The following WNK1 variants were observed in gnomAD, a reference collection of about 807,000 sequenced individuals.
The protein encoded by WNK1 is WNK lysine deficient protein kinase 1, also known as serine/threonine-protein kinase WNK1.
Under a neutral mutation model 222.8 loss-of-function variants are expected in WNK1, and 38 were observed. The observed-to-expected ratio is 0.17, with a 90% CI of 0.13 to 0.22. WNK1 has a LOEUF of 0.22. Ranked by LOEUF, WNK1 falls within the 10% of genes least tolerant of loss-of-function variation. The pLI is 1.00. For synonymous variants in WNK1, 1,090 were observed against 1,092.9 expected (o/e 1.00, Z 0.05); for missense variants, 2,348 against 2,918.4 (o/e 0.80, Z 4.50).
At chr12:840,556 A>G (rs1949549776) in intron 4 of WNK1, among the ~76,000 whole-genome samples, 1 of 152,206 alleles carries the variant, frequency 6.6e-6, no homozygotes, top group Non-Finnish European at 1.5e-5. Flanking sequence ...AGCCACACTC[A>G]CTTGCTTCCA....
intron 1 of WNK1, among the ~76,000 whole-genome samples, chr12:754,920 A>G (rs1434691133): frequency 6.6e-6 from 1 of 152,254 alleles, no homozygotes; most frequent in Non-Finnish European, 1.5e-5. Context: ...GACGTTCATT[A>G]AACTAATGTC....
chr12:885,875 G>C lies in WNK1; in HGVS notation c.5071G>C (p.Gly1691Arg). ...SLVIESTVTP[G>R]IPTTAVAPSK... ...AGTCATAGAGAGCACTGTCACACCA[G>C]GCATCCCAACTACTGCTGTTGCACC... Residue 1691 changes from glycine (G) to arginine (R), a missense_variant, in exon 19 of 28, where the codon GGC becomes CGC. Physicochemically the swap from Gly to Arg is moderately radical, Grantham distance 125. Around this residue, in one of 13 missense-constraint regions of WNK1, gnomAD observed 1,144 missense variants for 1,273.6 expected, o/e 0.90. Coordinates refer to ENST00000315939, the MANE Select transcript of WNK1 (RefSeq NM_018979.4). 6.2e-7 allele frequency: 1 copy of C among 1,613,242 alleles called. No homozygotes were observed. Among genetic ancestry groups the C allele is most frequent in the Non-Finnish European group, 8.5e-7 (1 of 1,179,348 alleles).
intron 1 of WNK1, among the ~76,000 whole-genome samples, chr12:754,629 A>G (rs1017188620): frequency 6.6e-6 from 1 of 152,184 alleles, no homozygotes. Flanking sequence ...TGAGTGGGGA[A>G]GTTGAAAGTA....
chr12:755,640 C>T (rs1286970801), intron 1 of WNK1, among the ~76,000 whole-genome samples: 1 of 151,468 alleles, frequency 6.6e-6, no homozygotes, highest in East Asian at 1.9e-4. Context: ...AAAAAAAAAC[C>T]TCGTCAAACG....
intron 2 of WNK1, among the ~76,000 whole-genome samples, chr12:817,713 TGGATCACCTGAGGTCA>T (rs926602325): frequency 2.6e-5 from 4 of 152,142 alleles, no homozygotes; most frequent in African/African-American, 7.2e-5. Flanking sequence ...CTGAGGCGGA[TGGATCACCTGAGGTCA>T]GGATCACCTG....
chr12:804,017 A>G (rs1286250322), intron 1 of WNK1, among the ~76,000 whole-genome samples: 1 of 152,224 alleles, frequency 6.6e-6, no homozygotes, highest in African/African-American at 2.4e-5. Context: ...CTTTGCAAAT[A>G]AGAAAATGTA....
At chr12:791,410 G>A (rs1944824860) in intron 1 of WNK1, among the ~76,000 whole-genome samples, 2 of 151,922 alleles carry the variant, frequency 1.3e-5, no homozygotes, top group Non-Finnish European at 2.9e-5. Flanking sequence ...CGTAAAGTGC[G>A]GTTATAAATT....
In WNK1 at chr12:764,840, A is replaced by G. The variant is rs1410686729; in HGVS notation, c.759+10516A>G. 2.0e-5 allele frequency among the ~76,000 whole-genome samples: 3 copies of G among 147,344 alleles called. 1 individual carries two copies. Among genetic ancestry groups the G allele is most frequent in the Non-Finnish European group, 4.5e-5 (3 of 65,938 alleles). ...TTCTGCACTGTTCACTATCTAATAC[A>G]ATATCCACCAGCCTCACGTGGCTAT... On this transcript the variant is annotated intron_variant, in intron 1 of 27. Transcript: ENST00000315939.
intron 2 of WNK1, among the ~76,000 whole-genome samples, chr12:814,672 G>A (rs979233665): frequency 1.3e-5 from 2 of 152,124 alleles, no homozygotes; most frequent in Non-Finnish European, 2.9e-5. Context: ...GTTTCTTAGA[G>A]CAGCAGTCCC....
intron 1 of WNK1, among the ~76,000 whole-genome samples, chr12:795,377 A>G (rs905256377): frequency 2.6e-5 from 4 of 151,074 alleles, no homozygotes; most frequent in African/African-American, 9.8e-5. Flanking sequence ...TTTGAAATGT[A>G]ATAATCTTCA....
At chr12:903,140 G>C (rs1275902903) in intron 26 of WNK1, among the ~76,000 whole-genome samples, 1 of 152,162 alleles carries the variant, frequency 6.6e-6, no homozygotes, top group Non-Finnish European at 1.5e-5. Flanking sequence ...ATTTTTACCT[G>C]CATTAGAAAT....
At position 847,801 on chromosome 12, in the gene WNK1, C is replaced by CTTTTTTTTT. The variant is rs898832948; in HGVS notation, c.1312-9344_1312-9336dup. On this transcript the variant is annotated intron_variant, in intron 4 of 27. Coordinates refer to ENST00000315939, the MANE Select transcript of WNK1 (RefSeq NM_018979.4). ...CTAGTTGAATTAATGGATTAATTCT[C>CTTTTTTTTT]TTTTTTTTTTTTTTTTTTTTTTTTG... Among the ~76,000 whole-genome samples the CTTTTTTTTT allele has an allele frequency of 1.5e-4, 10 of 68,642 alleles. 1 individual carries two copies. The highest frequency in any genetic ancestry group is 2.3e-4 in the African/African-American group (4 of 17,374). The allele number at this position is 68,642 out of a possible 152,430, so 45.0% of individuals were successfully genotyped here. A position where few individuals can be genotyped will look rare whatever the true frequency, so the allele number is the denominator to read the frequency against.
rs541566005 is a variant in WNK1, at chr12:808,600, T to TC, written c.760-5039dup. Reference sequence around the variant, plus strand: ...ATGCCAAGTCCCAGGTATTTTGGAATCCCATGTGGCTTTTGTGCCCTCCAA... The same window carrying TC: ...ATGCCAAGTCCCAGGTATTTTGGAATCCCCATGTGGCTTTTGTGCCCTCCAA... On this transcript the variant is annotated intron_variant, in intron 1 of 27. Coordinates refer to ENST00000315939, the MANE Select transcript of WNK1 (RefSeq NM_018979.4). Among the ~76,000 whole-genome samples, 146 of 152,190 alleles carry TC rather than the reference T, an allele frequency of 9.6e-4. 2 individuals are homozygous for TC. Among genetic ancestry groups the TC allele is most frequent in the South Asian group, 7.7e-3 (37 of 4,826 alleles).
intron 21 of WNK1, among the ~76,000 whole-genome samples, chr12:890,047 G>A (rs1371008871): frequency 1.3e-5 from 2 of 148,452 alleles, no homozygotes; most frequent in Non-Finnish European, 1.5e-5. Flanking sequence ...TCACCTCCCA[G>A]GTTCAAGTGA....
Position 911,005 on chromosome 12 carries a change from G to C in WNK1, c.*2213G>C. ...CATACTTTATACCAGAGGAGCAGTG[G>C]AGCCTCATGCAGCACATTATCATTT... is the stretch of plus-strand genomic sequence containing the variant. On this transcript the variant is annotated 3_prime_UTR_variant, in exon 28 of 28. Transcript: ENST00000315939. 3.6e-6 allele frequency: 1 copy of C among 277,508 alleles called. No individual in the cohort carries two copies. The highest frequency in any genetic ancestry group is 6.6e-6 in the Non-Finnish European group (1 of 151,098). The allele number at this position is 277,508 out of a possible 1,614,324, so 17.2% of individuals were successfully genotyped here. A position where few individuals can be genotyped will look rare whatever the true frequency, so the allele number is the denominator to read the frequency against.
chr12:886,608 T>C (rs72650736), intron 19 of WNK1, among the ~76,000 whole-genome samples: 3 of 152,224 alleles, frequency 2.0e-5, no homozygotes, highest in African/African-American at 7.2e-5. Context: ...TATCTAATTA[T>C]GCTGTGGTGG....
Position 779,735 on chromosome 12 carries a change from A to G in WNK1, c.759+25411A>G, listed in dbSNP as rs577871887. On this transcript the variant is annotated intron_variant, in intron 1 of 27. Transcript: ENST00000315939. Reference sequence around the variant, plus strand: ...TTAATTTTCTGAAAGAAAAATTCACATACAGCCGTGTGAATTGACTGGACT... The same window carrying G: ...TTAATTTTCTGAAAGAAAAATTCACGTACAGCCGTGTGAATTGACTGGACT... Among the ~76,000 whole-genome samples the G allele has an allele frequency of 2.8e-4, 43 of 152,318 alleles. 1 individual carries two copies. The South Asian group carries it at 8.5e-3, about 30-fold the overall frequency.
chr12:898,349 G>A (rs1954924135), intron 25 of WNK1, among the ~76,000 whole-genome samples: 1 of 151,924 alleles, frequency 6.6e-6, no homozygotes, highest in Non-Finnish European at 1.5e-5. Context: ...TGGGCATGGT[G>A]GCAGGCGCCT....
At chr12:845,021 A>G (rs61919862) in intron 4 of WNK1, among the ~76,000 whole-genome samples, 8,226 of 145,436 alleles carry the variant, frequency 0.057, 309 homozygotes, top group Middle Eastern at 0.1. Context: ...TCAGCCTCCC[A>G]AGTAGCTGGG....
Sources: allele counts gnomAD v4.1 joint callset (sites outside exome capture counted in the v4.1 genomes callset), GRCh38; gene constraint gnomAD v4.1.1; regional missense constraint gnomAD v4.1.1; transcripts MANE v1.5; gene names NCBI Gene and HGNC (gene_info 2026-07-23, HGNC 2026-07-21).